The following PORCN variants were observed in gnomAD, a reference collection of about 807,000 sequenced individuals.
PORCN encodes the protein porcupine O-acyltransferase, also known as protein-serine O-palmitoleoyltransferase porcupine.
Under a neutral mutation model 43.0 loss-of-function variants are expected in PORCN, and 1 was observed. The observed-to-expected ratio is 0.02, with a 90% CI of 0.01 to 0.11. The LOEUF (loss-of-function observed/expected upper bound fraction) is 0.11, where lower values mean the gene tolerates loss of function less well. Among genes scored for constraint, PORCN ranks in the 10% least tolerant of loss-of-function variants. The probability of loss-of-function intolerance (pLI) is 1.00; values close to 1 mark genes in which losing one functional copy is unlikely to be tolerated. For missense variants in PORCN, 240 were observed against 392.1 expected, an observed-to-expected ratio of 0.61 and a Z score of 3.28; for synonymous variants, 148 against 166.4, an observed-to-expected ratio of 0.89 and a Z score of 0.85.
rs782809650 is a variant in PORCN at position 48,515,913 on chromosome X, G to T, written c.1047G>T (p.Ala349=). 1 of 1,211,422 alleles carries T rather than the reference G, an allele frequency of 8.3e-7. No homozygotes were observed. The change falls in exon 12 of 15, where the codon GCG becomes GCT. Residue 349 remains alanine, a synonymous_variant. Coordinates refer to ENST00000326194, the MANE Select transcript of PORCN (RefSeq NM_203475.3). ...AGGGCTTCAGTTTCCACCTGGCTGCGGTCCTGCTGTCCCTGGCTTTTATCA... is the reference window on the plus strand; with the variant it reads ...AGGGCTTCAGTTTCCACCTGGCTGCTGTCCTGCTGTCCCTGGCTTTTATCA... ...LLHGFSFHLA[A]VLLSLAFITY...
chrX:48,519,463 T>G (rs1326792825), intron 14 of PORCN, among the ~76,000 whole-genome samples: 3 of 112,242 alleles, frequency 2.7e-5, no homozygotes, highest in Admixed American at 9.5e-5. Flanking sequence ...CACAGTTTAT[T>G]TTTTCTCTTA....
At chrX:48,516,001 G>A (rs781948274) in intron 12 of PORCN, 48 bp downstream of exon 12, 5 of 1,204,569 alleles carry the variant, frequency 4.2e-6, no homozygotes, top group South Asian at 1.8e-5. Context: ...TTGGTGGGGG[G>A]GCTGGAGACA....
intron 2 of PORCN, 54 bp downstream of exon 2, chrX:48,510,010 C>T (rs2061662704): frequency 1.0e-6 from 1 of 976,385 alleles, no homozygotes; most frequent in East Asian, 3.1e-5. Context: ...AGACCTCCCA[C>T]ATTCATCCAT....
intron 2 of PORCN, among the ~76,000 whole-genome samples, chrX:48,510,185 TGCCATGCCAA>T (rs2061664017): frequency 9.0e-6 from 1 of 111,242 alleles, no homozygotes; most frequent in Admixed American, 9.6e-5. Flanking sequence ...AGCCACATCC[TGCCATGCCAA>T]GCCATGCCCT....
At chrX:48,515,321 G>C in intron 10 of PORCN, 1 of 272,603 alleles carries the variant, frequency 3.7e-6, no homozygotes, top group Non-Finnish European at 6.7e-6. Flanking sequence ...ATGCAGCAGT[G>C]AGGAGGCCGC....
intron 14 of PORCN, among the ~76,000 whole-genome samples, chrX:48,518,312 C>T (rs1157570233): frequency 9.0e-6 from 1 of 110,895 alleles, no homozygotes; most frequent in Non-Finnish European, 1.9e-5. Context: ...CCTCCGCCTC[C>T]TGGGTTCAAG....
intron 1 of PORCN, chrX:48,509,412 C>A: frequency 1.6e-6 from 1 of 642,250 alleles, no homozygotes; most frequent in Non-Finnish European, 2.1e-6. Flanking sequence ...CCCCTCTCTG[C>A]CCTCCACTCA....
rs2061751571 is a variant in PORCN at position 48,520,385 on chromosome X, T to C, written c.1295T>C (p.Met432Thr). ...CTTTCTCTCCCACAGGGCTACGGCA[T>C]GGCATACACTGTCCACAAGTGGTCA... ...DDTTEEQGYG[M>T]AYTVHKWSEL... The change falls in exon 15 of 15, where the codon ATG becomes ACG. Residue 432 changes from methionine (M) to threonine (T), a missense_variant. By Grantham distance (81) the Met-to-Thr change is moderately conservative. Transcript: ENST00000326194. 1.7e-6 allele frequency: 2 copies of C among 1,205,773 alleles called. No individual in the cohort carries two copies. Among genetic ancestry groups the C allele is most frequent in the African/African-American group, 3.5e-5 (2 of 57,615 alleles).
At chrX:48,511,541 C>T (rs2061675773) in intron 3 of PORCN, 54 bp downstream of exon 3, 1 of 1,038,210 alleles carries the variant, frequency 9.6e-7, no homozygotes, top group Admixed American at 2.2e-5. Flanking sequence ...ATGGGTGGGT[C>T]CCCAGGCCCC....
In PORCN at chrX:48,512,497, G is replaced by A. The variant is rs782497820; in HGVS notation, c.545G>A (p.Gly182Asp). 2.5e-6 allele frequency: 3 copies of A among 1,205,890 alleles called. No individual in the cohort carries two copies. Among genetic ancestry groups the A allele is most frequent in the Non-Finnish European group, 3.4e-6 (3 of 892,474 alleles). ...CACAGCTACCTACAAGCTGTCCAAGGCCGCCCACTGGTGAGGTCCTGAGTG... is the reference window on the plus strand; with the variant it reads ...CACAGCTACCTACAAGCTGTCCAAGACCGCCCACTGGTGAGGTCCTGAGTG... Reference protein sequence around the residue: ...SFHSYLQAVQGRPLSCRWLQK... With the variant: ...SFHSYLQAVQDRPLSCRWLQK... The change falls in exon 5 of 15, where the codon GGC becomes GAC. Residue 182 changes from glycine to aspartate, a missense_variant. Gly to Asp is a moderately conservative substitution (Grantham distance 94). Coordinates refer to ENST00000326194, the MANE Select transcript of PORCN (RefSeq NM_203475.3).
At chrX:48,512,046 C>A in intron 4 of PORCN, 111 bp downstream of exon 4, 1 of 640,926 alleles carries the variant, frequency 1.6e-6, no homozygotes, top group Non-Finnish European at 2.6e-6. Context: ...CACCTGCCCA[C>A]CCCACTGGAC....
chrX:48,514,469 T>TGGC (rs2061700286), intron 9 of PORCN, 56 bp from the exon 10 acceptor site: 6 of 1,187,680 alleles, frequency 5.1e-6, no homozygotes, highest in Non-Finnish European at 6.9e-6. Flanking sequence ...GACAGAAGTG[T>TGGC]GGCGGTCAGA....
In PORCN at chrX:48,520,775, T is replaced by C; in HGVS notation, c.*299T>C. Reference sequence around the variant, plus strand: ...TTCCTTCTTCCTTTTTATATACAATTTGTTATTGTCAAATAAAAGTAGGAA... The same window carrying C: ...TTCCTTCTTCCTTTTTATATACAATCTGTTATTGTCAAATAAAAGTAGGAA... On this transcript the variant is annotated 3_prime_UTR_variant, in exon 15 of 15. Coordinates refer to ENST00000326194, the MANE Select transcript of PORCN (RefSeq NM_203475.3). 2.8e-6 allele frequency: 1 copy of C among 354,891 alleles called. No homozygotes were observed. Among genetic ancestry groups the C allele is most frequent in the Non-Finnish European group, 5.0e-6 (1 of 199,029 alleles). The allele number at this position is 354,891 out of a possible 1,213,427, so 29.2% of individuals were successfully genotyped here.
At position 48,520,492 on chromosome X, in the gene PORCN, C is replaced by T. The variant is rs782675283; in HGVS notation, c.*16C>T. The T allele has an allele frequency of 8.8e-7, 1 of 1,136,533 alleles. No individual in the cohort carries two copies. 93.7% of individuals were successfully genotyped at this position (1,136,533 alleles called of 1,213,427 possible). A position where few individuals can be genotyped will look rare whatever the true frequency, so the allele number is the denominator to read the frequency against. On this transcript the variant is annotated 3_prime_UTR_variant, in exon 15 of 15. Transcript: ENST00000326194. Reference sequence around the variant, plus strand: ...CATAGGCTGAGGCACATCTGTGGACCCTCATAACCCTCTTAAGACCCCTCT... The same window carrying T: ...CATAGGCTGAGGCACATCTGTGGACTCTCATAACCCTCTTAAGACCCCTCT...
chrX:48,511,257 G>A (rs781828149), intron 2 of PORCN, 38 bp from the exon 3 acceptor site: 3 of 966,720 alleles, frequency 3.1e-6, no homozygotes, highest in South Asian at 2.0e-5. Flanking sequence ...TCTCTTTCTC[G>A]TTCTCTCTCT....
intron 8 of PORCN, 46 bp downstream of exon 8, chrX:48,514,187 A>G: frequency 1.7e-6 from 2 of 1,211,810 alleles, no homozygotes; most frequent in Non-Finnish European, 2.2e-6. Context: ...GTGGTGGGGT[A>G]TCATGTTGGG....
rs1282968648 is a variant in PORCN at position 48,515,756 on chromosome X, C to G, written c.986C>G (p.Ala329Gly). 8.3e-7 allele frequency: 1 copy of G among 1,205,983 alleles called. No homozygotes were observed. Among genetic ancestry groups the G allele is most frequent in the African/African-American group, 1.8e-5 (1 of 56,171 alleles). ...KNALRLGTFS[A>G]VLVTYAASAL... ...GCTCTCCGCCTGGGGACCTTCTCGG[C>G]TGTGCTGGTCACCTATGCAGCCAGC... Residue 329 changes from alanine (A) to glycine (G), a missense_variant, in exon 11 of 15, where the codon GCT becomes GGT. Ala to Gly is a moderately conservative substitution (Grantham distance 60). Transcript: ENST00000326194.
rs1556974825 is a variant in PORCN at position 48,514,564 on chromosome X, T to G, written c.885T>G (p.Pro295=). 3.3e-6 allele frequency: 4 copies of G among 1,210,558 alleles called. No homozygotes were observed. Among genetic ancestry groups the G allele is most frequent in the Non-Finnish European group, 3.4e-6 (3 of 895,231 alleles). Residue 295 remains proline, a synonymous_variant, in exon 10 of 15, where the codon CCT becomes CCG. Transcript: ENST00000326194. ...CCAAGCCACTGAATGTGGAGCTGCC[T>G]CGGTCAATGGTGGAAGTTGTCACAA... The part of the protein sequence containing the change: ...TVSKPLNVEL[P]RSMVEVVTSW...
At chrX:48,518,190 A>G (rs1410869828) in intron 14 of PORCN, among the ~76,000 whole-genome samples, 2 of 109,870 alleles carry the variant, frequency 1.8e-5, no homozygotes, top group African/African-American at 3.3e-5. Context: ...CTAGGATAAC[A>G]GGCATGAGCA....
Sources: gnomAD v4.1 joint callset for allele counts (sites outside exome capture counted in the v4.1 genomes callset) on GRCh38, gnomAD v4.1.1 for gene constraint, MANE v1.5 for transcripts, NCBI Gene and HGNC (gene_info 2026-07-23, HGNC 2026-07-21) for gene names.